GPC5: variants seen among roughly 807,000 people sequenced by gnomAD.
GPC5 encodes glypican-5.
Under a neutral mutation model 53.9 loss-of-function variants are expected in GPC5, and 47 were observed. The observed-to-expected ratio is 0.87, with a 90% CI of 0.69 to 1.11. The LOEUF (loss-of-function observed/expected upper bound fraction) is 1.11. Among genes scored for constraint, GPC5 ranks in the 50% most tolerant of loss-of-function variants. GPC5 has a pLI of 0.00. For missense variants in GPC5, 748 were observed against 713.1 expected (o/e 1.05, Z -0.56); for synonymous variants, 286 against 263.3 (o/e 1.09, Z -0.84).
chr13:92,757,221 A>G (rs1874922619), intron 7 of GPC5, among the ~76,000 whole-genome samples: 1 of 152,246 alleles, frequency 6.6e-6, no homozygotes, highest in African/African-American at 2.4e-5. Flanking sequence ...GACAAAAACA[A>G]GAAATGGGGA....
At chr13:91,644,603 G>C (rs1310512143) in intron 2 of GPC5, among the ~76,000 whole-genome samples, 1 of 151,682 alleles carries the variant, frequency 6.6e-6, no homozygotes, top group Non-Finnish European at 1.5e-5. Flanking sequence ...TATTTTTCCT[G>C]TTACCCTTTG....
At chr13:92,204,145 T>C (rs1175449965) in intron 7 of GPC5, among the ~76,000 whole-genome samples, 3 of 152,120 alleles carry the variant, frequency 2.0e-5, no homozygotes, top group Non-Finnish European at 4.4e-5. Context: ...TTCTATTAAA[T>C]ACTAAAGGGA....
At chr13:92,131,553 T>C (rs1483217380) in intron 6 of GPC5, among the ~76,000 whole-genome samples, 1 of 152,024 alleles carries the variant, frequency 6.6e-6, no homozygotes, top group Non-Finnish European at 1.5e-5. Flanking sequence ...AAACCTAATG[T>C]TGAATAAAAT....
At chr13:92,389,341 T>C (rs1874892809) in intron 7 of GPC5, among the ~76,000 whole-genome samples, 1 of 152,122 alleles carries the variant, frequency 6.6e-6, no homozygotes, top group Non-Finnish European at 1.5e-5. Context: ...CTCCAAGATG[T>C]GTCCTGTTTC....
chr13:91,497,876 G>A (rs1435783820), intron 2 of GPC5, among the ~76,000 whole-genome samples: 2 of 152,134 alleles, frequency 1.3e-5, no homozygotes, highest in African/African-American at 4.8e-5. Context: ...AGGCATGCAA[G>A]GTGTGATAAT....
intron 7 of GPC5, among the ~76,000 whole-genome samples, chr13:92,860,001 G>A (rs1395037456): frequency 1.3e-5 from 2 of 151,954 alleles, no homozygotes; most frequent in East Asian, 3.9e-4. Flanking sequence ...CATTATTAGA[G>A]AGCCACTAAT....
At chr13:92,246,834 AC>A (rs1490892615) in intron 7 of GPC5, among the ~76,000 whole-genome samples, 1 of 152,192 alleles carries the variant, frequency 6.6e-6, no homozygotes, top group Admixed American at 6.5e-5. Flanking sequence ...AATTTTCAAC[AC>A]TAATTTTTAA....
chr13:91,653,600 C>T (rs1272285194), intron 2 of GPC5, among the ~76,000 whole-genome samples: 1 of 151,832 alleles, frequency 6.6e-6, no homozygotes, highest in South Asian at 2.1e-4. Context: ...CAAAACAAAA[C>T]AAAAACAAAA....
chr13:92,133,425 C>A (rs1349253436), intron 6 of GPC5, among the ~76,000 whole-genome samples: 1 of 152,090 alleles, frequency 6.6e-6, no homozygotes, highest in Non-Finnish European at 1.5e-5. Flanking sequence ...TTTAATAGAG[C>A]ATTTGAAAAT....
intron 2 of GPC5, among the ~76,000 whole-genome samples, chr13:91,505,158 G>A (rs1336155552): frequency 6.6e-6 from 1 of 151,934 alleles, no homozygotes; most frequent in Non-Finnish European, 1.5e-5. Context: ...ATAATCCTAA[G>A]GTAAACCTGG....
chr13:92,124,701 A>C (rs2041680437), intron 6 of GPC5, among the ~76,000 whole-genome samples: 1 of 152,210 alleles, frequency 6.6e-6, no homozygotes, highest in African/African-American at 2.4e-5. Context: ...TAATGAAGAG[A>C]GACAAGCTGC....
At chr13:92,068,828 A>G (rs2041187532) in intron 6 of GPC5, among the ~76,000 whole-genome samples, 1 of 151,832 alleles carries the variant, frequency 6.6e-6, no homozygotes, top group Non-Finnish European at 1.5e-5. Flanking sequence ...TATAATTCAT[A>G]CAACATAATA....
chr13:92,339,596 A>G (rs1407806838), intron 7 of GPC5, among the ~76,000 whole-genome samples: 1 of 152,160 alleles, frequency 6.6e-6, no homozygotes, highest in African/African-American at 2.4e-5. Flanking sequence ...AATCTGTAGT[A>G]TGATTAAGAA....
intron 2 of GPC5, among the ~76,000 whole-genome samples, chr13:91,581,629 G>C (rs536792924): frequency 6.6e-6 from 1 of 152,096 alleles, no homozygotes; most frequent in Non-Finnish European, 1.5e-5. Context: ...CAATTTGCTT[G>C]TGCATAAAAT....
chr13:92,224,104 G>T (rs948680070), intron 7 of GPC5, among the ~76,000 whole-genome samples: 5 of 152,028 alleles, frequency 3.3e-5, no homozygotes, highest in African/African-American at 9.7e-5. Context: ...AAAGATTATG[G>T]TGACTTAGAA....
At chr13:92,315,171 G>T (rs543783728) in intron 7 of GPC5, among the ~76,000 whole-genome samples, 3 of 152,150 alleles carry the variant, frequency 2.0e-5, no homozygotes, top group Non-Finnish European at 4.4e-5. Flanking sequence ...TCTGGGTTAC[G>T]ATATATTCGG....
intron 1 of GPC5, among the ~76,000 whole-genome samples, chr13:91,425,535 C>T (rs1158575122): frequency 6.6e-6 from 1 of 152,156 alleles, no homozygotes; most frequent in African/African-American, 2.4e-5. Context: ...GTTCACTGTT[C>T]TCTCTTTCTC....
At chr13:92,071,043 C>T (rs1259010953) in intron 6 of GPC5, among the ~76,000 whole-genome samples, 1 of 152,110 alleles carries the variant, frequency 6.6e-6, no homozygotes, top group Non-Finnish European at 1.5e-5. Flanking sequence ...CAAGACCATC[C>T]TGGCCAACAT....
chr13:92,115,975 G>A (rs771466530), intron 6 of GPC5, among the ~76,000 whole-genome samples: 12 of 152,152 alleles, frequency 7.9e-5, no homozygotes, highest in Admixed American at 7.2e-4. Flanking sequence ...AGATAGCTGG[G>A]CATGGTTGCT....
Sources: allele counts gnomAD v4.1 joint callset (sites outside exome capture counted in the v4.1 genomes callset), GRCh38; gene constraint gnomAD v4.1.1; transcripts MANE v1.5; gene names NCBI Gene and HGNC (gene_info 2026-07-23, HGNC 2026-07-21).